TSGA10: variants seen among roughly 807,000 people sequenced by gnomAD.
The protein encoded by TSGA10 is testis specific 10.
TSGA10 carries 43 observed loss-of-function variants against 96.6 expected under a neutral mutation model. The observed-to-expected ratio is 0.44, with a 90% confidence interval of 0.35 to 0.57. The LOEUF (loss-of-function observed/expected upper bound fraction) is 0.57, where lower values mean the gene tolerates loss of function less well. TSGA10 is among the 20% of genes least tolerant of loss of function. The pLI is 0.01. For synonymous variants in TSGA10, 229 were observed against 269.9 expected (o/e 0.85, Z 1.48); for missense variants, 703 against 834.4 (o/e 0.84, Z 1.94).
intron 1 of TSGA10, among the ~76,000 whole-genome samples, chr2:99,128,088 G>T (rs550480046): frequency 6.6e-6 from 1 of 152,054 alleles, no homozygotes; most frequent in African/African-American, 2.4e-5. Flanking sequence ...AATTTGTTAT[G>T]AGCATCTTAG....
chr2:99,026,617 G>A (rs542460473), intron 17 of TSGA10, among the ~76,000 whole-genome samples: 1 of 151,794 alleles, frequency 6.6e-6, no homozygotes, highest in Non-Finnish European at 1.5e-5. Flanking sequence ...TAGAGACAGG[G>A]TTTCACCGTG....
chr2:99,129,662 A>G (rs951832348), intron 1 of TSGA10, among the ~76,000 whole-genome samples: 3 of 151,984 alleles, frequency 2.0e-5, no homozygotes, highest in Non-Finnish European at 2.9e-5. Context: ...AATATCCTCA[A>G]CCTTGCTGCA....
chr2:99,032,107 T>G (rs1239519031), intron 17 of TSGA10, among the ~76,000 whole-genome samples: 5 of 152,170 alleles, frequency 3.3e-5, no homozygotes, highest in African/African-American at 1.2e-4. Context: ...CAGTTGCATC[T>G]AGTGGCAGGC....
chr2:99,067,122 C>A (rs2085346662), intron 15 of TSGA10, among the ~76,000 whole-genome samples: 2 of 152,184 alleles, frequency 1.3e-5, no homozygotes, highest in South Asian at 4.1e-4. Context: ...ACCTACAGGA[C>A]CTACTTTTTC....
At chr2:99,068,382 C>T (rs1206804262) in intron 15 of TSGA10, among the ~76,000 whole-genome samples, 1 of 152,104 alleles carries the variant, frequency 6.6e-6, no homozygotes, top group Non-Finnish European at 1.5e-5. Context: ...CCTGTTTATT[C>T]CTGAGTTGCC....
intron 1 of TSGA10, among the ~76,000 whole-genome samples, chr2:99,150,071 C>T (rs143809475): frequency 0.011 from 1,634 of 152,240 alleles, 10 homozygotes; most frequent in Middle Eastern, 0.027. Context: ...GGATTACAGG[C>T]GTGGGCCACC....
intron 17 of TSGA10, 141 bp downstream of exon 17, chr2:99,035,089 A>G: frequency 1.6e-6 from 1 of 611,184 alleles, no homozygotes; most frequent in East Asian, 3.0e-5. Context: ...TCATAAACTA[A>G]CCTCTTGGAT....
At chr2:99,065,700 T>A (rs1558899031) in intron 15 of TSGA10, among the ~76,000 whole-genome samples, 1 of 152,228 alleles carries the variant, frequency 6.6e-6, no homozygotes, top group Non-Finnish European at 1.5e-5. Context: ...TCTAGTAACT[T>A]TCCCTGCCAG....
Position 99,038,159 on chromosome 2 carries a change from A to G in TSGA10, c.1405-2720T>C, listed in dbSNP as rs2081834003. On this transcript the variant is annotated intron_variant, in intron 16 of 20. Coordinates refer to ENST00000393483, the MANE Select transcript of TSGA10 (RefSeq NM_025244.4). ...ATGAGAACTGCTGACAGGAGTTCTA[A>G]ATCTTGAGACAAAACCTTGAAATAC... 2.0e-5 allele frequency among the ~76,000 whole-genome samples: 3 copies of G among 152,278 alleles called. No individual in the cohort carries two copies. In the South Asian group the frequency reaches 6.2e-4, roughly 32 times the overall value.
At chr2:99,139,501 GT>G (rs1574710840) in intron 1 of TSGA10, among the ~76,000 whole-genome samples, 1 of 152,056 alleles carries the variant, frequency 6.6e-6, no homozygotes, top group Non-Finnish European at 1.5e-5. Context: ...GTTGAGGTGG[GT>G]TTTTCTTTTT....
chr2:99,036,451 T>C (rs2081634817), intron 16 of TSGA10, among the ~76,000 whole-genome samples: 2 of 152,208 alleles, frequency 1.3e-5, no homozygotes, highest in South Asian at 4.1e-4. Flanking sequence ...ACATCCAGAC[T>C]ACTAGAGAAG....
chr2:99,108,067 C>A (rs1372361416), intron 7 of TSGA10, among the ~76,000 whole-genome samples: 1 of 152,138 alleles, frequency 6.6e-6, no homozygotes, highest in East Asian at 1.9e-4. Flanking sequence ...TCAGGGCTCA[C>A]ACTTTGTATC....
chr2:99,074,823 G>C (rs1338231496), intron 12 of TSGA10, among the ~76,000 whole-genome samples: 2 of 152,040 alleles, frequency 1.3e-5, no homozygotes, highest in African/African-American at 2.4e-5. Flanking sequence ...GCCGGGTGCA[G>C]TGGTGGGCGC....
At chr2:99,032,890 CG>C (rs1386832897) in intron 17 of TSGA10, among the ~76,000 whole-genome samples, 1 of 152,188 alleles carries the variant, frequency 6.6e-6, no homozygotes, top group African/African-American at 2.4e-5. Flanking sequence ...GACGAGTCTA[CG>C]GATGTTGACG....
chr2:99,007,583 T>C (rs546659919), intron 20 of TSGA10, among the ~76,000 whole-genome samples: 2 of 152,106 alleles, frequency 1.3e-5, no homozygotes, highest in South Asian at 4.2e-4. Flanking sequence ...ATGCAACAAA[T>C]AAAACAGCAA....
At chr2:99,085,772 A>T (rs1002208714) in intron 10 of TSGA10, among the ~76,000 whole-genome samples, 1 of 152,030 alleles carries the variant, frequency 6.6e-6, no homozygotes, top group Non-Finnish European at 1.5e-5. Context: ...AAAAAAATAC[A>T]TGTTGTAAAT....
At chr2:99,082,252 G>T (rs1025138094) in intron 10 of TSGA10, among the ~76,000 whole-genome samples, 1 of 151,636 alleles carries the variant, frequency 6.6e-6, no homozygotes, top group East Asian at 1.9e-4. Context: ...TTAGAGCCCC[G>T]CACCTGGTTC....
At chr2:99,037,907 A>G (rs1042808540) in intron 16 of TSGA10, among the ~76,000 whole-genome samples, 6 of 152,078 alleles carry the variant, frequency 3.9e-5, no homozygotes, top group Non-Finnish European at 7.4e-5. Flanking sequence ...TCTGTGAGGC[A>G]AAAGCATCCA....
chr2:99,108,874 G>A lies in TSGA10; in HGVS notation c.169C>T (p.Leu57Phe). ...AAGATCTTGTCTCTCTCAGATTTAAGAACCTTGACATTACCCTGAATTTCT... is the reference window on the plus strand; with the variant it reads ...AAGATCTTGTCTCTCTCAGATTTAAAAACCTTGACATTACCCTGAATTTCT... ...LAEIQGNVKV[L>F]KSERDKIFLL... Residue 57 changes from leucine to phenylalanine, a missense_variant, in exon 7 of 21, where the codon CTT becomes TTT. Around this residue, in one of 3 missense-constraint regions of TSGA10, gnomAD observed 585 missense variants for 656.8 expected, o/e 0.89. Coordinates refer to ENST00000393483, the MANE Select transcript of TSGA10 (RefSeq NM_025244.4). 1 of 1,593,690 alleles carries A rather than the reference G, an allele frequency of 6.3e-7. No homozygotes were observed. Among genetic ancestry groups the A allele is most frequent in the Non-Finnish European group, 8.5e-7 (1 of 1,174,194 alleles).
Sources: gnomAD v4.1 joint callset for allele counts (sites outside exome capture counted in the v4.1 genomes callset) on GRCh38, gnomAD v4.1.1 for gene constraint, gnomAD v4.1.1 regional missense constraint, MANE v1.5 for transcripts, NCBI Gene and HGNC (gene_info 2026-07-23, HGNC 2026-07-21) for gene names.